TBRG4: variants seen among roughly 807,000 people sequenced by gnomAD.
TBRG4 encodes the protein transforming growth factor beta regulator 4.
A neutral mutation model predicts 65.6 loss-of-function variants in TBRG4; 43 were observed. The observed-to-expected ratio is 0.66, with a 90% CI of 0.51 to 0.85. TBRG4 has a LOEUF of 0.85. Ranked by LOEUF, TBRG4 falls within the 40% of genes least tolerant of loss-of-function variation. The pLI, the probability that TBRG4 is intolerant of heterozygous loss-of-function variation, is 0.00. For missense variants in TBRG4, 709 were observed against 787.9 expected (o/e 0.90, Z 1.20); for synonymous variants, 366 against 341.4 (o/e 1.07, Z -0.79).
In TBRG4 at chr7:45,111,627, G is replaced by A. The variant is rs1315687145; in HGVS notation, c.-51+16C>T. The A allele has an allele frequency of 2.3e-6, 3 of 1,289,360 alleles. No individual in the cohort carries two copies. The highest frequency in any genetic ancestry group is 2.0e-6 in the Non-Finnish European group (2 of 988,822). The allele number at this position is 1,289,360 out of a possible 1,614,324, so 79.9% of individuals were successfully genotyped here. ...CCACGATCAGCCGCCCCTTCTCCCC[G>A]TGCCACAAGACCTACGCAGCGAGCA... On this transcript the variant is annotated intron_variant, in intron 1 of 10. Coordinates refer to ENST00000258770, the MANE Select transcript of TBRG4 (RefSeq NM_004749.4).
intron 2 of TBRG4, chr7:45,106,058 C>A (rs1246159277): frequency 4.7e-6 from 3 of 642,566 alleles, no homozygotes; most frequent in Non-Finnish European, 8.8e-6. Context: ...TGGGCCAGTG[C>A]CTACCATAGA....
intron 2 of TBRG4, chr7:45,107,711 T>G (rs536774092): frequency 7.1e-5 from 11 of 154,790 alleles, no homozygotes; most frequent in African/African-American, 2.6e-4. Context: ...AAAAGAAAGC[T>G]GTTATTACAT....
intron 6 of TBRG4, chr7:45,102,952 C>T (rs1274069674): frequency 6.4e-6 from 2 of 313,378 alleles, no homozygotes; most frequent in Non-Finnish European, 1.2e-5. Flanking sequence ...TCCCAGGGAG[C>T]CTGGGATCAC....
At position 45,100,271 on chromosome 7, in the gene TBRG4, G is replaced by A. The variant is rs560585287; in HGVS notation, c.*54C>T. ...TCCTCAAGGGTGACCCTTCTTGGCCGCCCACAGCTAGACCTCCGGCGGAGA... is the reference window on the plus strand; with the variant it reads ...TCCTCAAGGGTGACCCTTCTTGGCCACCCACAGCTAGACCTCCGGCGGAGA... On this transcript the variant is annotated 3_prime_UTR_variant, in exon 11 of 11. Transcript: ENST00000258770. 56 of 1,507,694 alleles carry A rather than the reference G, an allele frequency of 3.7e-5. No individual in the cohort carries two copies. The African/African-American group carries it at 4.9e-4, about 13-fold the overall frequency. 93.4% of individuals were successfully genotyped at this position (1,507,694 alleles called of 1,614,324 possible). A position where few individuals can be genotyped will look rare whatever the true frequency, so the allele number is the denominator to read the frequency against.
At position 45,109,390 on chromosome 7, in the gene TBRG4, CTAAG is replaced by C. The variant is rs1188898827; in HGVS notation, c.-50-107_-50-104del. On this transcript the variant is annotated intron_variant, in intron 1 of 10. Coordinates refer to ENST00000258770, the MANE Select transcript of TBRG4 (RefSeq NM_004749.4). ...AAGCCACTCTATCTGTAAAATCAGA[CTAAG>C]TCTTTCTTGACAATCCATAGGTATG... is the stretch of plus-strand genomic sequence containing the variant. 2.6e-5 allele frequency: 25 copies of C among 978,348 alleles called. No individual in the cohort carries two copies. In the African/African-American group the frequency reaches 3.4e-4, roughly 13 times the overall value. 60.6% of individuals were successfully genotyped at this position (978,348 alleles called of 1,614,324 possible). A position where few individuals can be genotyped will look rare whatever the true frequency, so the allele number is the denominator to read the frequency against.
At chr7:45,102,725 T>C in intron 6 of TBRG4, 1 of 547,668 alleles carries the variant, frequency 1.8e-6, no homozygotes, top group Admixed American at 3.5e-5. Flanking sequence ...AGCAGAAGAG[T>C]GCTGCTGAAT....
rs759704282 is a variant in TBRG4 at position 45,105,781 on chromosome 7, C to T, written c.412-17G>A. 1 of 1,590,228 alleles carries T rather than the reference C, an allele frequency of 6.3e-7. No individual in the cohort carries two copies. Among genetic ancestry groups the T allele is most frequent in the East Asian group, 2.2e-5 (1 of 44,592 alleles). Reference sequence around the variant, plus strand: ...CGAGGCAATCTAGGCAGAGAAAGGACACAGGAGAAATGATGTGGCACTGTC... The same window carrying T: ...CGAGGCAATCTAGGCAGAGAAAGGATACAGGAGAAATGATGTGGCACTGTC... On this transcript the variant is annotated splice_polypyrimidine_tract_variant and intron_variant, in intron 2 of 10. Transcript: ENST00000258770.
rs1464140372 is a variant in TBRG4 at position 45,101,593 on chromosome 7, C to T, written c.1589G>A (p.Ser530Asn). The part of the protein sequence containing the change: ...WVLDAEVLLD[S>N]DGEFLPVRDF... ...CCTTACGGGCAGAAACTCGCCGTCACTGTCCAGCAGCACCTCAGCATCTGG... is the reference window on the plus strand; with the variant it reads ...CCTTACGGGCAGAAACTCGCCGTCATTGTCCAGCAGCACCTCAGCATCTGG... The change falls in exon 9 of 11, where the codon AGT becomes AAT. Residue 530 changes from serine to asparagine, a missense_variant. Transcript: ENST00000258770. 1 of 1,613,554 alleles carries T rather than the reference C, an allele frequency of 6.2e-7. No individual in the cohort carries two copies. The highest frequency in any genetic ancestry group is 8.5e-7 in the Non-Finnish European group (1 of 1,179,882).
At chr7:45,103,782 G>A (rs890251500) in intron 5 of TBRG4, 3 of 515,972 alleles carry the variant, frequency 5.8e-6, no homozygotes, top group African/African-American at 1.9e-5. Flanking sequence ...TCCACTTTGC[G>A]AGGGGGATCA....
Position 45,104,920 on chromosome 7 carries a change from A to C in TBRG4, c.736-211T>G, listed in dbSNP as rs1292353654. 7 of 851,034 alleles carry C rather than the reference A, an allele frequency of 8.2e-6. No homozygotes were observed. In the Admixed American group the frequency reaches 1.2e-4, roughly 14 times the overall value. 52.7% of individuals were successfully genotyped at this position (851,034 alleles called of 1,614,324 possible). ...TGGACCTGGAGCACTGTCCACAGCC[A>C]AACTTATCCCCAGGTCCCAGGGTAG... On this transcript the variant is annotated intron_variant, in intron 3 of 10. Coordinates refer to ENST00000258770, the MANE Select transcript of TBRG4 (RefSeq NM_004749.4).
Position 45,102,004 on chromosome 7 carries a change from A to AGCAG in TBRG4, c.1384_1387dup (p.Leu463ProfsTer25). On this transcript the variant is annotated frameshift_variant, in exon 8 of 11. Coordinates refer to ENST00000258770, the MANE Select transcript of TBRG4 (RefSeq NM_004749.4). LOFTEE classifies it high-confidence loss of function. The stretch of plus-strand genomic sequence containing the variant: ...GGGACCCGAGTACTCGGGGTACTCC[A>AGCAG]GCAGGGCAGTGGCGTTGATGTGGAG... The AGCAG allele has an allele frequency of 6.4e-7, 1 of 1,572,892 alleles. No individual in the cohort carries two copies.
chr7:45,106,323 C>G, intron 2 of TBRG4: 2 of 283,838 alleles, frequency 7.0e-6, no homozygotes, highest in Non-Finnish European at 1.4e-5. Flanking sequence ...AGACCACACT[C>G]TTTTACATGG....
chr7:45,104,643 G>C lies in TBRG4; in HGVS notation c.802C>G (p.Gln268Glu). Residue 268 changes from glutamine (Q) to glutamate (E), a missense_variant, in exon 4 of 11, where the codon CAG becomes GAG. Physicochemically the swap from Gln to Glu is conservative, Grantham distance 29 (BLOSUM62 2). Coordinates refer to ENST00000258770, the MANE Select transcript of TBRG4 (RefSeq NM_004749.4). ...AGCAAGGGCACGGACCGCCGGCTCTGAGCTGCCAGCATCACCAGCACCTTC... is the reference window on the plus strand; with the variant it reads ...AGCAAGGGCACGGACCGCCGGCTCTCAGCTGCCAGCATCACCAGCACCTTC... Reference protein sequence around the residue: ...LRKVLVMLAAQSRRSVPLLRA... With the variant: ...LRKVLVMLAAESRRSVPLLRA... 1 of 1,613,946 alleles carries C rather than the reference G, an allele frequency of 6.2e-7. No homozygotes were observed. The highest frequency in any genetic ancestry group is 8.5e-7 in the Non-Finnish European group (1 of 1,180,046).
At position 45,101,502 on chromosome 7, in the gene TBRG4, C is replaced by T; in HGVS notation, c.1679+1G>A. 5 of 1,612,972 alleles carry T rather than the reference C, an allele frequency of 3.1e-6. No homozygotes were observed. The highest frequency in any genetic ancestry group is 4.2e-6 in the Non-Finnish European group (5 of 1,179,532). ...TGGCCAACAGGTCCCTGGCCACCTA[C>T]CTCTTAGACCCTGGAGGTGGTGACT... On this transcript the variant is annotated splice_donor_variant, in intron 9 of 10. Coordinates refer to ENST00000258770, the MANE Select transcript of TBRG4 (RefSeq NM_004749.4). LOFTEE classifies it high-confidence loss of function.
At chr7:45,104,395 G>C (rs1310646065) in intron 4 of TBRG4, 139 bp from the exon 5 acceptor site, 1 of 1,562,618 alleles carries the variant, frequency 6.4e-7, no homozygotes, top group South Asian at 1.1e-5. Context: ...CACAGGAACA[G>C]GGCCCATGAG....
At chr7:45,101,219 T>A in intron 10 of TBRG4, 39 bp downstream of exon 10, 1 of 1,587,202 alleles carries the variant, frequency 6.3e-7, no homozygotes, top group Non-Finnish European at 8.6e-7. Context: ...GGTTGGGGAT[T>A]CTCCCTGTGC....
At chr7:45,105,825 G>A (rs1234738710) in intron 2 of TBRG4, 61 bp from the exon 3 acceptor site, 1 of 1,538,504 alleles carries the variant, frequency 6.5e-7, no homozygotes, top group East Asian at 2.3e-5. Flanking sequence ...GTGTGAGCTG[G>A]AGGCTACCTC....
chr7:45,110,909 G>A (rs975799622), intron 1 of TBRG4: 2 of 151,788 alleles, frequency 1.3e-5, no homozygotes, highest in Admixed American at 6.6e-5. Context: ...AGAGAGATCA[G>A]AGAGTCGGAG....
chr7:45,108,848 A>G lies in TBRG4; in HGVS notation c.390T>C (p.Leu130=). The G allele has an allele frequency of 6.5e-7, 1 of 1,540,184 alleles. No individual in the cohort carries two copies. The highest frequency in any genetic ancestry group is 2.1e-5 in the Admixed American group (1 of 48,192). Residue 130 remains leucine (L), a synonymous_variant, in exon 2 of 11, where the codon CTT becomes CTC. Coordinates refer to ENST00000258770, the MANE Select transcript of TBRG4 (RefSeq NM_004749.4). The stretch of plus-strand genomic sequence containing the variant: ...CCACCTGACTGTTGAGCAGACAGAG[A>G]AGTTGATGAAAGTGGGCATCCTGTA... ...LLIQDAHFHQ[L]LCLLNSQIAS...
Sources: allele counts gnomAD v4.1 joint callset, GRCh38; gene constraint gnomAD v4.1.1; transcripts MANE v1.5; gene names NCBI Gene and HGNC (gene_info 2026-07-23, HGNC 2026-07-21).